The following TNPO3 variants were observed in gnomAD, a reference collection of about 807,000 sequenced individuals.
TNPO3 encodes the protein transportin-3.
In TNPO3, 65 loss-of-function variants were observed where a neutral mutation model predicts 122.8. The observed-to-expected ratio is 0.53, with a 90% CI of 0.43 to 0.65. TNPO3 has a LOEUF of 0.65. Ranked by LOEUF, TNPO3 falls within the 30% of genes least tolerant of loss-of-function variation. The pLI, the probability that TNPO3 is intolerant of heterozygous loss-of-function variation, is 0.00. For synonymous variants in TNPO3, 372 were observed against 411.2 expected, an observed-to-expected ratio of 0.90 and a Z score of 1.15; for missense variants, 850 against 1,136.7, an observed-to-expected ratio of 0.75 and a Z score of 3.63.
chr7:128,983,805 C>T (rs534124308), intron 13 of TNPO3, among the ~76,000 whole-genome samples: 1 of 152,290 alleles, frequency 6.6e-6, no homozygotes, highest in Non-Finnish European at 1.5e-5. Flanking sequence ...TTGCCTGTAA[C>T]TCCTACATCC....
chr7:129,014,448 A>G (rs1803598795), intron 4 of TNPO3, among the ~76,000 whole-genome samples: 1 of 152,148 alleles, frequency 6.6e-6, no homozygotes, highest in South Asian at 2.1e-4. Context: ...ACTTGAGCCC[A>G]GGAGGAGGAG....
At chr7:128,984,378 G>T (rs1400212350) in intron 12 of TNPO3, 119 bp from the exon 13 acceptor site, 2 of 553,612 alleles carry the variant, frequency 3.6e-6, no homozygotes, top group Admixed American at 6.7e-5. Flanking sequence ...CTTTTAAAAA[G>T]ATCAGCATTG....
chr7:129,018,715 A>G (rs1804116041), intron 1 of TNPO3, among the ~76,000 whole-genome samples: 1 of 151,952 alleles, frequency 6.6e-6, no homozygotes, highest in Non-Finnish European at 1.5e-5. Flanking sequence ...CACATCCTTC[A>G]ATTATTTTCT....
rs748679705 is a variant in TNPO3, at chr7:129,001,089, T to A, written c.842A>T (p.His281Leu). 6.2e-7 allele frequency: 1 copy of A among 1,614,180 alleles called. No homozygotes were observed. The highest frequency in any genetic ancestry group is 8.5e-7 in the Non-Finnish European group (1 of 1,180,010). ...TAAATCTTCACGTGCCACGGCCATATGATAGGCAGTCTCCAATGTCAGCAC... is the reference window on the plus strand; with the variant it reads ...TAAATCTTCACGTGCCACGGCCATAAGATAGGCAGTCTCCAATGTCAGCAC... ...QGVLTLETAYHMAVAREDLDK... is the reference protein window; with the variant it reads ...QGVLTLETAYLMAVAREDLDK... The change falls in exon 6 of 23, where the codon CAT (histidine) becomes CTT (leucine). Residue 281 changes from histidine to leucine, a missense_variant. Physicochemically the swap from His to Leu is moderately conservative, Grantham distance 99. Coordinates refer to ENST00000265388, the MANE Select transcript of TNPO3 (RefSeq NM_012470.4).
chr7:129,014,961 T>C lies in TNPO3; in HGVS notation c.552+18A>G. On this transcript the variant is annotated intron_variant, in intron 4 of 22. Coordinates refer to ENST00000265388, the MANE Select transcript of TNPO3 (RefSeq NM_012470.4). ...TTTCTGCCTTTATGCAGCAACTTAG[T>C]ATTTCAAACTTACTCACCAATAGAG... is the stretch of plus-strand genomic sequence containing the variant. 6.4e-7 allele frequency: 1 copy of C among 1,551,030 alleles called. No individual in the cohort carries two copies. Among genetic ancestry groups the C allele is most frequent in the Non-Finnish European group, 8.6e-7 (1 of 1,156,546 alleles).
At chr7:128,991,295 T>C (rs1446065623) in intron 10 of TNPO3, among the ~76,000 whole-genome samples, 3 of 152,176 alleles carry the variant, frequency 2.0e-5, no homozygotes, top group African/African-American at 4.8e-5. Flanking sequence ...GAAAGAAGCA[T>C]TGTGCTTTTT....
At chr7:129,006,114 G>C (rs1018235970) in intron 4 of TNPO3, among the ~76,000 whole-genome samples, 2 of 152,014 alleles carry the variant, frequency 1.3e-5, no homozygotes, top group Admixed American at 1.3e-4. Context: ...CATGAGACTG[G>C]ACTAACACAA....
rs946419493 is a variant in TNPO3 at position 128,978,756 on chromosome 7, C to T, written c.2061+227G>A. 2.2e-4 allele frequency among the ~76,000 whole-genome samples: 33 copies of T among 152,190 alleles called. 1 individual carries two copies. Among genetic ancestry groups the T allele is most frequent in the African/African-American group, 6.5e-4 (27 of 41,520 alleles). ...AAGCGATTCTCCTGCCTCAGCCTCC[C>T]GAGTAGCTAGGATTATAGGTGCCCG... On this transcript the variant is annotated intron_variant, in intron 16 of 22. Coordinates refer to ENST00000265388, the MANE Select transcript of TNPO3 (RefSeq NM_012470.4).
intron 3 of TNPO3, among the ~76,000 whole-genome samples, chr7:129,016,742 C>T (rs915051600): frequency 6.6e-6 from 1 of 152,212 alleles, no homozygotes; most frequent in Admixed American, 6.5e-5. Flanking sequence ...AAAGACTTTG[C>T]TGCAATTAAT....
chr7:128,957,746 G>A (rs1434868459), intron 21 of TNPO3, among the ~76,000 whole-genome samples: 1 of 152,202 alleles, frequency 6.6e-6, no homozygotes, highest in East Asian at 1.9e-4. Context: ...ACAACACTTG[G>A]TTGCTACGGC....
chr7:129,014,915 T>C lies in TNPO3; in HGVS notation c.552+64A>G, dbSNP rs1052034129. ...AGCTATTTCACAATAATGCAATTGA[T>C]TACAAAATAACCGCCATGGCTTTCT... is the stretch of plus-strand genomic sequence containing the variant. On this transcript the variant is annotated intron_variant, in intron 4 of 22. Coordinates refer to ENST00000265388, the MANE Select transcript of TNPO3 (RefSeq NM_012470.4). 4.1e-5 allele frequency: 61 copies of C among 1,492,714 alleles called. No homozygotes were observed. The East Asian group carries it at 1.5e-3, about 36-fold the overall frequency. The allele number at this position is 1,492,714 out of a possible 1,614,324, so 92.5% of individuals were successfully genotyped here. A position where few individuals can be genotyped will look rare whatever the true frequency, so the allele number is the denominator to read the frequency against.
intron 1 of TNPO3, among the ~76,000 whole-genome samples, chr7:129,026,475 T>A (rs1805192341): frequency 6.8e-6 from 1 of 145,986 alleles, no homozygotes; most frequent in Non-Finnish European, 1.5e-5. Context: ...CAATCTCGGC[T>A]CACTGCAACC....
At chr7:128,979,251 C>T (rs1379709402) in intron 15 of TNPO3, 128 bp from the exon 16 acceptor site, 5 of 1,083,008 alleles carry the variant, frequency 4.6e-6, no homozygotes, top group Admixed American at 2.5e-5. Flanking sequence ...TAGGAACACA[C>T]ATGGCCAGCA....
intron 7 of TNPO3, among the ~76,000 whole-genome samples, chr7:128,998,949 GT>G (rs749456997): frequency 6.6e-6 from 1 of 152,000 alleles, no homozygotes; most frequent in Non-Finnish European, 1.5e-5. Context: ...CACCTCCTGG[GT>G]TCAAGTGATT....
At chr7:129,045,941 T>C (rs1807981493) in intron 1 of TNPO3, among the ~76,000 whole-genome samples, 2 of 152,136 alleles carry the variant, frequency 1.3e-5, no homozygotes, top group South Asian at 4.1e-4. Context: ...GGCTCATGCC[T>C]GTAATCCCAG....
chr7:129,027,592 C>CAAAAAAAA (rs796831706), intron 1 of TNPO3, among the ~76,000 whole-genome samples: 2 of 61,704 alleles, frequency 3.2e-5, no homozygotes, highest in South Asian at 5.5e-4. Flanking sequence ...AAAAAAAAAA[C>CAAAAAAAA]AACACAAAAA....
At chr7:128,978,172 T>G (rs1227656713) in intron 16 of TNPO3, among the ~76,000 whole-genome samples, 2 of 152,232 alleles carry the variant, frequency 1.3e-5, no homozygotes, top group African/African-American at 2.4e-5. Context: ...CACAATTACT[T>G]AGTGACTTAA....
intron 1 of TNPO3, among the ~76,000 whole-genome samples, chr7:129,019,903 G>C (rs1804270326): frequency 6.6e-6 from 1 of 152,028 alleles, no homozygotes; most frequent in Non-Finnish European, 1.5e-5. Flanking sequence ...GGCTGAGACA[G>C]GAAAATAGCT....
At chr7:129,035,719 T>C (rs1806566173) in intron 1 of TNPO3, among the ~76,000 whole-genome samples, 1 of 152,180 alleles carries the variant, frequency 6.6e-6, no homozygotes, top group Non-Finnish European at 1.5e-5. Flanking sequence ...AAATAACTGA[T>C]GTCTTAACCA....
Sources: gnomAD v4.1 joint callset for allele counts (sites outside exome capture counted in the v4.1 genomes callset) on GRCh38, gnomAD v4.1.1 for gene constraint, MANE v1.5 for transcripts, NCBI Gene and HGNC (gene_info 2026-07-23, HGNC 2026-07-21) for gene names.